Variants in FHIT observed in about 807,000 individuals in gnomAD.
FHIT encodes the protein bis(5'-adenosyl)-triphosphatase.
Under a neutral mutation model 17.9 loss-of-function variants are expected in FHIT, and 19 were observed. The ratio of observed to expected loss-of-function variants is 1.06; its 90% CI spans 0.74 to 1.56. The LOEUF is 1.56. Among genes scored for constraint, FHIT ranks in the 40% most tolerant of loss-of-function variants. The probability of loss-of-function intolerance (pLI) is 0.00; values close to 1 mark genes in which losing one functional copy is unlikely to be tolerated. For synonymous variants in FHIT, 81 were observed against 69.7 expected, an observed-to-expected ratio of 1.16 and a Z score of -0.81; for missense variants, 248 against 189.2, an observed-to-expected ratio of 1.31 and a Z score of -1.82.
intron 7 of FHIT, among the ~76,000 whole-genome samples, chr3:60,006,139 G>A (rs1699914886): frequency 6.6e-6 from 1 of 152,144 alleles, no homozygotes; most frequent in African/African-American, 2.4e-5. Flanking sequence ...ACTTACTCGT[G>A]ATCATCTGTG....
chr3:59,781,703 T>C (rs1195864470), intron 8 of FHIT, among the ~76,000 whole-genome samples: 1 of 152,234 alleles, frequency 6.6e-6, no homozygotes, highest in Non-Finnish European at 1.5e-5. Context: ...TAATTACCAA[T>C]GTCAGCCTGG....
intron 3 of FHIT, among the ~76,000 whole-genome samples, chr3:60,884,644 C>T (rs1553758848): frequency 6.6e-6 from 1 of 151,942 alleles, no homozygotes; most frequent in African/African-American, 2.4e-5. Flanking sequence ...CCAACACAGA[C>T]AAATATTGGC....
intron 4 of FHIT, among the ~76,000 whole-genome samples, chr3:60,634,254 C>T (rs1172031762): frequency 6.6e-6 from 1 of 151,900 alleles, no homozygotes; most frequent in East Asian, 1.9e-4. Flanking sequence ...TGAACTTAAA[C>T]GGGTTGCCAA....
intron 5 of FHIT, among the ~76,000 whole-genome samples, chr3:60,014,875 G>A (rs190198016): frequency 1.5e-3 from 235 of 152,166 alleles, no homozygotes; most frequent in African/African-American, 4.5e-3. Flanking sequence ...ACAAGGCAAC[G>A]TATTTACACT....
chr3:60,514,235 C>T lies in FHIT; in HGVS notation c.103+22625G>A, dbSNP rs1005670284. 3.3e-5 allele frequency among the ~76,000 whole-genome samples: 5 copies of T among 152,246 alleles called. No homozygotes were observed. In the South Asian group the frequency reaches 1.0e-3, roughly 31 times the overall value. On this transcript the variant is annotated intron_variant, in intron 5 of 9. Transcript: ENST00000492590. ...TGACTCTTCACTGAGCTGGCTAACA[C>T]TTAAGCTGTCTGTGGATGGCAAGGC...
intron 3 of FHIT, among the ~76,000 whole-genome samples, chr3:61,025,690 A>G (rs1191313737): frequency 1.3e-5 from 2 of 151,998 alleles, no homozygotes; most frequent in Non-Finnish European, 2.9e-5. Flanking sequence ...GAAGGGAGAA[A>G]AGTAAGAAAT....
chr3:60,288,705 G>T (rs966336559), intron 5 of FHIT, among the ~76,000 whole-genome samples: 5 of 151,590 alleles, frequency 3.3e-5, no homozygotes, highest in Admixed American at 6.6e-5. Flanking sequence ...TTAAAAAAAA[G>T]TACATAGGAT....
chr3:60,568,358 C>CA (rs1399513992), intron 4 of FHIT, among the ~76,000 whole-genome samples: 1 of 151,890 alleles, frequency 6.6e-6, no homozygotes, highest in East Asian at 1.9e-4. Flanking sequence ...ATCACAAGGA[C>CA]AAAAAACCAA....
intron 5 of FHIT, among the ~76,000 whole-genome samples, chr3:60,434,230 T>C (rs992884121): frequency 7.2e-5 from 11 of 152,102 alleles, no homozygotes; most frequent in African/African-American, 2.4e-4. Flanking sequence ...TGCAGTTACA[T>C]CCCACTATCT....
At chr3:60,685,227 AG>A (rs1448650580) in intron 4 of FHIT, among the ~76,000 whole-genome samples, 6 of 152,144 alleles carry the variant, frequency 3.9e-5, no homozygotes, top group Non-Finnish European at 7.4e-5. Context: ...TTTCCTTAAG[AG>A]GGCTCTTGTG....
At chr3:60,321,109 A>C (rs751526412) in intron 5 of FHIT, among the ~76,000 whole-genome samples, 6 of 151,984 alleles carry the variant, frequency 3.9e-5, no homozygotes, top group South Asian at 2.1e-4. Flanking sequence ...GGACTCCCCA[A>C]CTCTAAGCAA....
At chr3:60,424,983 T>C (rs1702610381) in intron 5 of FHIT, among the ~76,000 whole-genome samples, 2 of 152,140 alleles carry the variant, frequency 1.3e-5, no homozygotes, top group South Asian at 4.1e-4. Context: ...TTTAACATTA[T>C]GGCACATACT....
chr3:59,813,386 C>G (rs892761869), intron 8 of FHIT, among the ~76,000 whole-genome samples: 1 of 152,134 alleles, frequency 6.6e-6, no homozygotes, highest in African/African-American at 2.4e-5. Flanking sequence ...TGAGGACGTA[C>G]CCTCGCATTC....
chr3:61,132,855 A>G (rs2036805352), intron 2 of FHIT, among the ~76,000 whole-genome samples: 1 of 151,820 alleles, frequency 6.6e-6, no homozygotes, highest in African/African-American at 2.4e-5. Context: ...GAAGTAAAAG[A>G]AAAAAAAATG....
At chr3:59,899,071 C>T (rs1043014931) in intron 8 of FHIT, among the ~76,000 whole-genome samples, 1 of 152,174 alleles carries the variant, frequency 6.6e-6, no homozygotes, top group Admixed American at 6.5e-5. Context: ...CATCCCTCTT[C>T]ACTCCTCCAT....
intron 8 of FHIT, among the ~76,000 whole-genome samples, chr3:59,893,984 G>A (rs1249240740): frequency 6.6e-6 from 1 of 152,152 alleles, no homozygotes; most frequent in Non-Finnish European, 1.5e-5. Context: ...ATGGATTCCA[G>A]CAGGGAGCAG....
At chr3:59,773,257 T>C (rs1702155707) in intron 8 of FHIT, among the ~76,000 whole-genome samples, 1 of 152,146 alleles carries the variant, frequency 6.6e-6, no homozygotes, top group Non-Finnish European at 1.5e-5. Context: ...ACAGCCCCGG[T>C]GGGTGACCCG....
At chr3:60,523,896 A>C (rs1258097669) in intron 5 of FHIT, among the ~76,000 whole-genome samples, 1 of 152,210 alleles carries the variant, frequency 6.6e-6, no homozygotes, top group Non-Finnish European at 1.5e-5. Flanking sequence ...GCATGTGTTC[A>C]TGTGTGTTAG....
Position 60,072,834 on chromosome 3 carries a change from T to A in FHIT, c.104-58682A>T, listed in dbSNP as rs187707003. 3.9e-4 allele frequency among the ~76,000 whole-genome samples: 60 copies of A among 152,364 alleles called. 1 individual carries two copies. Among genetic ancestry groups the A allele is most frequent in the East Asian group, 2.9e-3 (15 of 5,182 alleles). ...GATACTTTCTTAATTATTCATTATT[T>A]TGTCTATGTATGCCTTCTTTTCCCA... On this transcript the variant is annotated intron_variant, in intron 5 of 9. Coordinates refer to ENST00000492590, the MANE Select transcript of FHIT (RefSeq NM_002012.4).
Sources: allele counts gnomAD v4.1 joint callset (sites outside exome capture counted in the v4.1 genomes callset), GRCh38; gene constraint gnomAD v4.1.1; transcripts MANE v1.5; gene names NCBI Gene and HGNC (gene_info 2026-07-23, HGNC 2026-07-21).